Variants in KHDRBS2 observed in about 807,000 individuals in gnomAD.
KHDRBS2 encodes KH domain-containing, RNA-binding, signal transduction-associated protein 2.
A neutral mutation model predicts 44.3 loss-of-function variants in KHDRBS2; 26 were observed. The ratio of observed to expected loss-of-function variants is 0.59; its 90% confidence interval spans 0.43 to 0.81. KHDRBS2 has a LOEUF of 0.81. KHDRBS2 is among the 40% of genes least tolerant of loss of function. KHDRBS2 has a pLI of 0.00. For missense variants in KHDRBS2, 476 were observed against 433.1 expected, an observed-to-expected ratio of 1.10 and a Z score of -0.88; for synonymous variants, 194 against 151.1, an observed-to-expected ratio of 1.28 and a Z score of -2.08.
At chr6:61,591,418 A>T in the KHDRBS2 span, among the ~76,000 whole-genome samples, 5,396 of 152,308 alleles carry the variant, frequency 0.035, 317 homozygotes, top group African/African-American at 0.12. Flanking sequence ...ATAAATGGAT[A>T]AATGAAAAGT....
At chr6:61,823,435 C>G (rs145010863) in intron 6 of KHDRBS2, among the ~76,000 whole-genome samples, 1 of 152,122 alleles carries the variant, frequency 6.6e-6, no homozygotes, top group Non-Finnish European at 1.5e-5. Context: ...GAAGTCCTCT[C>G]TTTATATAAA....
the KHDRBS2 span, among the ~76,000 whole-genome samples, chr6:61,674,064 C>T: frequency 6.6e-6 from 1 of 151,710 alleles, no homozygotes; most frequent in Non-Finnish European, 1.5e-5. Context: ...CTTATTTAAT[C>T]ATGTGAGTGG....
At chr6:62,013,315 T>C (rs891661721) in intron 3 of KHDRBS2, among the ~76,000 whole-genome samples, 2 of 152,130 alleles carry the variant, frequency 1.3e-5, no homozygotes, top group Non-Finnish European at 2.9e-5. Flanking sequence ...AAATTATTCC[T>C]AAATTTGAGT....
intron 4 of KHDRBS2, among the ~76,000 whole-genome samples, chr6:61,902,150 C>A (rs865834717): frequency 6.6e-6 from 1 of 152,004 alleles, no homozygotes; most frequent in Non-Finnish European, 1.5e-5. Context: ...GACAGGGTTT[C>A]GCCATGTTGG....
intron 2 of KHDRBS2, among the ~76,000 whole-genome samples, chr6:62,067,102 TTAGA>T (rs1162328054): frequency 6.6e-6 from 1 of 151,490 alleles, no homozygotes; most frequent in Non-Finnish European, 1.5e-5. Flanking sequence ...ATCTGTTCAA[TTAGA>T]TAGAGAATTG....
At chr6:61,569,282 C>A in the KHDRBS2 span, among the ~76,000 whole-genome samples, 3,717 of 152,248 alleles carry the variant, frequency 0.024, 71 homozygotes, top group Middle Eastern at 0.085. Context: ...AATCTTGACC[C>A]CAGCTGATGG....
intron 2 of KHDRBS2, among the ~76,000 whole-genome samples, chr6:62,174,054 G>A (rs1820611707): frequency 6.6e-6 from 1 of 151,762 alleles, no homozygotes. Flanking sequence ...GGAAACTCTG[G>A]CCAGGGAAAT....
At chr6:61,643,474 A>T in the KHDRBS2 span, among the ~76,000 whole-genome samples, 1,437 of 152,276 alleles carry the variant, frequency 9.4e-3, 9 homozygotes, top group Admixed American at 0.015. Flanking sequence ...CAATCAGGCA[A>T]GAGAAAGAAA....
chr6:61,982,067 G>C (rs1328725782), intron 3 of KHDRBS2, among the ~76,000 whole-genome samples: 1 of 152,092 alleles, frequency 6.6e-6, no homozygotes, highest in Non-Finnish European at 1.5e-5. Context: ...GCCATTTTAA[G>C]CTTTTTGTCA....
At chr6:61,749,278 G>C (rs1777323256) in intron 6 of KHDRBS2, among the ~76,000 whole-genome samples, 1 of 152,000 alleles carries the variant, frequency 6.6e-6, no homozygotes, top group Non-Finnish European at 1.5e-5. Flanking sequence ...CTCCTAAAGT[G>C]CTGGGATTAC....
chr6:62,012,203 T>G (rs74577903), intron 3 of KHDRBS2, among the ~76,000 whole-genome samples: 1,776 of 152,292 alleles, frequency 0.012, 17 homozygotes, highest in Non-Finnish European at 0.02. Context: ...AAGAGTAATC[T>G]TGATTATTCA....
chr6:61,665,345 A>G, the KHDRBS2 span, among the ~76,000 whole-genome samples: 1 of 151,564 alleles, frequency 6.6e-6, no homozygotes, highest in South Asian at 2.1e-4. Context: ...CTACAATGTA[A>G]GGGTATATTT....
At chr6:61,925,903 T>C (rs1808874381) in intron 4 of KHDRBS2, among the ~76,000 whole-genome samples, 1 of 152,120 alleles carries the variant, frequency 6.6e-6, no homozygotes, top group Admixed American at 6.6e-5. Flanking sequence ...ACTTATTAGA[T>C]ACTAGGCATT....
chr6:61,583,936 A>T, the KHDRBS2 span, among the ~76,000 whole-genome samples: 1 of 151,370 alleles, frequency 6.6e-6, no homozygotes, highest in Non-Finnish European at 1.5e-5. Flanking sequence ...TATATCTTTT[A>T]TTATATTTTT....
intron 1 of KHDRBS2, among the ~76,000 whole-genome samples, chr6:62,285,364 T>TTC (rs1842340643): frequency 6.6e-6 from 1 of 152,230 alleles, no homozygotes; most frequent in Admixed American, 6.5e-5. Context: ...ACATGCATAG[T>TTC]TTAATGCATA....
intron 1 of KHDRBS2, among the ~76,000 whole-genome samples, chr6:62,237,652 G>C (rs926115720): frequency 2.0e-5 from 3 of 152,094 alleles, no homozygotes; most frequent in African/African-American, 7.2e-5. Context: ...CAATGAAAAC[G>C]AGTGAGAAAA....
the KHDRBS2 span, among the ~76,000 whole-genome samples, chr6:61,557,863 C>T: frequency 8.3e-4 from 126 of 152,202 alleles, no homozygotes; most frequent in African/African-American, 3.0e-3. Context: ...ATGGTTCAAA[C>T]TTGGTAGGTT....
At chr6:61,919,991 C>CA (rs1425170218) in intron 4 of KHDRBS2, among the ~76,000 whole-genome samples, 1 of 151,668 alleles carries the variant, frequency 6.6e-6, no homozygotes, top group Non-Finnish European at 1.5e-5. Context: ...GAGTTGGAAC[C>CA]AAAATCAATT....
intron 1 of KHDRBS2, among the ~76,000 whole-genome samples, chr6:62,183,411 T>G (rs1381831028): frequency 6.6e-6 from 1 of 151,662 alleles, no homozygotes; most frequent in African/African-American, 2.4e-5. Flanking sequence ...GAACTAAATA[T>G]TAAATAGTAC....
Sources: allele counts gnomAD v4.1 joint callset (sites outside exome capture counted in the v4.1 genomes callset), GRCh38; gene constraint gnomAD v4.1.1; transcripts MANE v1.5; gene names NCBI Gene and HGNC (gene_info 2026-07-23, HGNC 2026-07-21).